Variants in MTERF1 observed in about 807,000 individuals in gnomAD.
MTERF1 encodes mitochondrial transcription termination factor 1.
In MTERF1, 29 loss-of-function variants were observed where a neutral mutation model predicts 31.6. The ratio of observed to expected loss-of-function variants is 0.92; its 90% CI spans 0.68 to 1.25. The LOEUF is 1.25. Among genes scored for constraint, MTERF1 ranks in the 50% most tolerant of loss-of-function variants. The pLI is 0.00. For synonymous variants in MTERF1, 152 were observed against 164.1 expected, an observed-to-expected ratio of 0.93 and a Z score of 0.57; for missense variants, 500 against 469.1, an observed-to-expected ratio of 1.07 and a Z score of -0.61.
At chr7:91,875,081 C>A (rs1789312306) in intron 2 of MTERF1, among the ~76,000 whole-genome samples, 1 of 152,206 alleles carries the variant, frequency 6.6e-6, no homozygotes, top group Admixed American at 6.5e-5. Context: ...GCTTCTGTTA[C>A]CTGTAAGCAC....
intron 2 of MTERF1, among the ~76,000 whole-genome samples, chr7:91,875,372 A>T (rs1362925607): frequency 1.3e-5 from 2 of 151,738 alleles, no homozygotes; most frequent in East Asian, 3.9e-4. Flanking sequence ...CACCTCAACC[A>T]CCTGAGTAGT....
intron 2 of MTERF1, among the ~76,000 whole-genome samples, chr7:91,876,240 TTC>T (rs796595409): frequency 1.4e-4 from 21 of 152,370 alleles, no homozygotes; most frequent in African/African-American, 4.8e-4. Context: ...AGAAAAAGTG[TTC>T]TGTTATTCAA....
chr7:91,876,951 C>T (rs754484054), intron 2 of MTERF1: 7 of 985,060 alleles, frequency 7.1e-6, no homozygotes, highest in Non-Finnish European at 8.4e-6. Context: ...GGGCAGAATG[C>T]GTCAGCTGGA....
chr7:91,877,667 TTC>T (rs1302283873), intron 2 of MTERF1, among the ~76,000 whole-genome samples: 2 of 152,212 alleles, frequency 1.3e-5, no homozygotes, highest in African/African-American at 2.4e-5. Flanking sequence ...CAAGTCTTCA[TTC>T]TCTTTTACCC....
chr7:91,877,466 A>G (rs542943352), intron 2 of MTERF1, among the ~76,000 whole-genome samples: 187 of 152,302 alleles, frequency 1.2e-3, no homozygotes, highest in Non-Finnish European at 2.4e-3. Context: ...CCAGTCCCCA[A>G]ATTTGCCCTC....
At position 91,873,550 on chromosome 7, in the gene MTERF1, C is replaced by T; in HGVS notation, c.*44G>A. 6.7e-7 allele frequency: 1 copy of T among 1,486,264 alleles called. No individual in the cohort carries two copies. The highest frequency in any genetic ancestry group is 9.1e-7 in the Non-Finnish European group (1 of 1,103,190). 92.1% of individuals were successfully genotyped at this position (1,486,264 alleles called of 1,614,324 possible). A position where few individuals can be genotyped will look rare whatever the true frequency, so the allele number is the denominator to read the frequency against. ...TCTGCAAAATTCTTTTGCAATGTGGCATAACATATTCACAGTTCCTGAGAA... is the reference window on the plus strand; with the variant it reads ...TCTGCAAAATTCTTTTGCAATGTGGTATAACATATTCACAGTTCCTGAGAA... On this transcript the variant is annotated 3_prime_UTR_variant, in exon 3 of 3. Coordinates refer to ENST00000351870, the MANE Select transcript of MTERF1 (RefSeq NM_006980.5).
chr7:91,873,913 G>C lies in MTERF1; in HGVS notation c.881C>G (p.Ala294Gly), dbSNP rs761020937. 1 of 1,613,940 alleles carries C rather than the reference G, an allele frequency of 6.2e-7. No homozygotes were observed. Among genetic ancestry groups the C allele is most frequent in the Non-Finnish European group, 8.5e-7 (1 of 1,179,986 alleles). ...LSNDYARRSYANIKEKLFSLG... is the reference protein window; with the variant it reads ...LSNDYARRSYGNIKEKLFSLG... The stretch of plus-strand genomic sequence containing the variant: ...AGAAAACAGCTTCTCTTTGATGTTT[G>C]CGTAGCTTCTTCTGGCATAGTCATT... The change falls in exon 3 of 3, where the codon GCA (alanine) becomes GGA (glycine). Residue 294 changes from alanine (A) to glycine (G), a missense_variant. Transcript: ENST00000351870.
At chr7:91,880,001 G>T (rs1789462298) in intron 2 of MTERF1, 54 bp downstream of exon 2, 23 of 1,599,930 alleles carry the variant, frequency 1.4e-5, no homozygotes, top group Non-Finnish European at 2.0e-5. Context: ...ATTCCAGCTG[G>T]TCTTCTTTTG....
rs1347451644 is a variant in MTERF1 at position 91,872,168 on chromosome 7, T to C, written c.*1426A>G. 3 of 152,224 alleles carry C rather than the reference T, an allele frequency of 2.0e-5. No homozygotes were observed. The highest frequency in any genetic ancestry group is 4.4e-5 in the Non-Finnish European group (3 of 68,036). The allele number at this position is 152,224 out of a possible 1,614,324, so 9.4% of individuals were successfully genotyped here. A position where few individuals can be genotyped will look rare whatever the true frequency, so the allele number is the denominator to read the frequency against. On this transcript the variant is annotated 3_prime_UTR_variant, in exon 3 of 3. Transcript: ENST00000351870. ...TTTCCAATAAATTATAAATGTATTA[T>C]AAGCAATGGAAGATAAAGTTGCACA...
In MTERF1 at chr7:91,874,369, C is replaced by T; in HGVS notation, c.425G>A (p.Arg142Gln). Residue 142 changes from arginine to glutamine, a missense_variant, in exon 3 of 3, where the codon CGG becomes CAG. Arg to Gln is a conservative substitution (Grantham distance 43, BLOSUM62 1). Transcript: ENST00000351870. ...ITRTPENLSK[R>Q]WDLWRKIVTS... is the part of the protein sequence containing the mutation. ...CACAATCTTTCTCCACAGATCCCAC[C>T]GTTTTGAAAGATTCTCGGGAGTACG... 3.7e-6 allele frequency: 6 copies of T among 1,614,028 alleles called. No homozygotes were observed. The highest frequency in any genetic ancestry group is 1.6e-4 in the Middle Eastern group (1 of 6,062).
Position 91,874,299 on chromosome 7 carries a change from T to C in MTERF1, c.495A>G (p.Glu165=), listed in dbSNP as rs1435239951. The C allele has an allele frequency of 4.3e-6, 7 of 1,614,024 alleles. No individual in the cohort carries two copies. Among genetic ancestry groups the C allele is most frequent in the Admixed American group, 1.7e-5 (1 of 59,990 alleles). The change falls in exon 3 of 3, where the codon GAA becomes GAG. Residue 165 remains glutamate, a synonymous_variant. Coordinates refer to ENST00000351870, the MANE Select transcript of MTERF1 (RefSeq NM_006980.5). ...EIVNILERSP[E]SFFRSNNNLN... is the part of the protein sequence containing the mutation. The stretch of plus-strand genomic sequence containing the variant: ...GGTTGTTATTGGACCGAAAAAAGGA[T>C]TCAGGAGAACGTTCCAAAATATTTA...
Position 91,880,123 on chromosome 7 carries a change from A to C in MTERF1, c.-30-10T>G. 3.3e-6 allele frequency: 5 copies of C among 1,527,502 alleles called. No individual in the cohort carries two copies. The highest frequency in any genetic ancestry group is 4.5e-6 in the Non-Finnish European group (5 of 1,122,442). The allele number at this position is 1,527,502 out of a possible 1,614,324, so 94.6% of individuals were successfully genotyped here. A position where few individuals can be genotyped will look rare whatever the true frequency, so the allele number is the denominator to read the frequency against. ...TGGAGAACAGCTATCTCTGGAAATG[A>C]CACACACACACAAAAAAAAGGCAAA... On this transcript the variant is annotated splice_polypyrimidine_tract_variant and intron_variant, in intron 1 of 2. Coordinates refer to ENST00000351870, the MANE Select transcript of MTERF1 (RefSeq NM_006980.5).
intron 2 of MTERF1, 61 bp from the exon 3 acceptor site, chr7:91,874,825 T>C (rs1789303687): frequency 8.3e-7 from 1 of 1,205,694 alleles, no homozygotes; most frequent in East Asian, 2.4e-5. Flanking sequence ...TAAATGACCA[T>C]ATTACAATCC....
At position 91,873,904 on chromosome 7, in the gene MTERF1, T is replaced by A. The variant is rs1789252013; in HGVS notation, c.890A>T (p.Lys297Ile). ...DYARRSYANI[K>I]EKLFSLGCTE... ...ACATCCAAGAGAAAACAGCTTCTCT[T>A]TGATGTTTGCGTAGCTTCTTCTGGC... is the stretch of plus-strand genomic sequence containing the variant. Residue 297 changes from lysine (K) to isoleucine (I), a missense_variant, in exon 3 of 3, where the codon AAA (lysine) becomes ATA (isoleucine). Coordinates refer to ENST00000351870, the MANE Select transcript of MTERF1 (RefSeq NM_006980.5). 6.2e-7 allele frequency: 1 copy of A among 1,613,956 alleles called. No individual in the cohort carries two copies. Among genetic ancestry groups the A allele is most frequent in the African/African-American group, 1.3e-5 (1 of 74,922 alleles).
In MTERF1 at chr7:91,874,628, T is replaced by TAAATG; in HGVS notation, c.161_165dup (p.Arg56HisfsTer7). ...TTATGACACTTCACACCAAAAAGCC[T>TAAATG]AAATGAAACTGATTTGAAGATGTTT... On this transcript the variant is annotated frameshift_variant, in exon 3 of 3. Coordinates refer to ENST00000351870, the MANE Select transcript of MTERF1 (RefSeq NM_006980.5). LOFTEE classifies it high-confidence loss of function. 6.2e-7 allele frequency: 1 copy of TAAATG among 1,614,110 alleles called. No individual in the cohort carries two copies. Among genetic ancestry groups the TAAATG allele is most frequent in the Non-Finnish European group, 8.5e-7 (1 of 1,180,014 alleles).
Position 91,880,136 on chromosome 7 carries a change from A to C in MTERF1, c.-30-23T>G, listed in dbSNP as rs530347407. ...TCTCTGGAAATGACACACACACACAAAAAAAAGGCAAAATATTTCAGGCCT... is the reference window on the plus strand; with the variant it reads ...TCTCTGGAAATGACACACACACACACAAAAAAGGCAAAATATTTCAGGCCT... On this transcript the variant is annotated intron_variant, in intron 1 of 2. Transcript: ENST00000351870. 8.8e-4 allele frequency: 1,407 copies of C among 1,590,814 alleles called. 3 individuals are homozygous for C. The highest frequency in any genetic ancestry group is 3.8e-3 in the Admixed American group (218 of 57,598).
intron 2 of MTERF1, among the ~76,000 whole-genome samples, chr7:91,878,202 C>A (rs563673294): frequency 2.0e-5 from 3 of 152,294 alleles, no homozygotes; most frequent in South Asian, 2.1e-4. Context: ...AATGGACTTA[C>A]AACTGGCAAC....
rs745950270 is a variant in MTERF1 at position 91,874,289 on chromosome 7, G to A, written c.505C>T (p.Arg169Trp). Residue 169 changes from arginine to tryptophan, a missense_variant, in exon 3 of 3, where the codon CGG becomes TGG. Arg to Trp is a moderately radical substitution (Grantham distance 101). Transcript: ENST00000351870. ...ILERSPESFF[R>W]SNNNLNLENN... ...TCTAAGTTTAGGTTGTTATTGGACC[G>A]AAAAAAGGATTCAGGAGAACGTTCC... The A allele has an allele frequency of 7.5e-5, 121 of 1,613,342 alleles. No homozygotes were observed. The highest frequency in any genetic ancestry group is 7.9e-5 in the Non-Finnish European group (93 of 1,179,842).
intron 2 of MTERF1, among the ~76,000 whole-genome samples, chr7:91,876,281 T>C (rs572568805): frequency 2.0e-5 from 3 of 152,374 alleles, no homozygotes; most frequent in South Asian, 2.1e-4. Context: ...TCTAAGCTAC[T>C]TGTGCCTGAG....
Sources: gnomAD v4.1 joint callset for allele counts (sites outside exome capture counted in the v4.1 genomes callset) on GRCh38, gnomAD v4.1.1 for gene constraint, MANE v1.5 for transcripts, NCBI Gene and HGNC (gene_info 2026-07-23, HGNC 2026-07-21) for gene names.